The following GREM2 variants were observed in gnomAD, a reference collection of about 807,000 sequenced individuals.
GREM2 encodes gremlin-2.
A neutral mutation model predicts 14.2 loss-of-function variants in GREM2; 11 were observed. The observed-to-expected ratio is 0.78, with a 90% CI of 0.49 to 1.28. The LOEUF (loss-of-function observed/expected upper bound fraction) is 1.28, where lower values mean the gene tolerates loss of function less well. GREM2 is among the 50% of genes most tolerant of loss of function. The pLI is 0.00. For synonymous variants in GREM2, 98 were observed against 97.6 expected (o/e 1.00, Z -0.02); for missense variants, 210 against 218.5 (o/e 0.96, Z 0.24).
At chr1:240,558,531 G>A (rs991964428) in intron 1 of GREM2, among the ~76,000 whole-genome samples, 6 of 152,084 alleles carry the variant, frequency 3.9e-5, no homozygotes, top group African/African-American at 1.4e-4. Flanking sequence ...ATGGCAGACG[G>A]AGGAAGCTTA....
intron 1 of GREM2, among the ~76,000 whole-genome samples, chr1:240,577,383 T>C (rs1431859462): frequency 1.3e-5 from 2 of 152,232 alleles, no homozygotes; most frequent in African/African-American, 4.8e-5. Flanking sequence ...TTTAGATTCT[T>C]CTTTACTATA....
chr1:240,555,688 A>G (rs920265236), intron 1 of GREM2, among the ~76,000 whole-genome samples: 1 of 152,238 alleles, frequency 6.6e-6, no homozygotes, highest in African/African-American at 2.4e-5. Flanking sequence ...GTTAAGAGAA[A>G]TTTATCAGAG....
intron 1 of GREM2, among the ~76,000 whole-genome samples, chr1:240,584,022 T>C (rs1388020731): frequency 6.6e-6 from 1 of 152,144 alleles, no homozygotes; most frequent in East Asian, 1.9e-4. Context: ...ATAAGAACTG[T>C]AGGGTTTATC....
chr1:240,525,463 A>G (rs1267129680), intron 1 of GREM2, among the ~76,000 whole-genome samples: 2 of 151,860 alleles, frequency 1.3e-5, no homozygotes, highest in Admixed American at 1.3e-4. Context: ...GCAAAGGGCC[A>G]CAAATTTAGT....
intron 1 of GREM2, among the ~76,000 whole-genome samples, chr1:240,582,747 A>G (rs955867007): frequency 1.3e-5 from 2 of 152,044 alleles, no homozygotes; most frequent in Non-Finnish European, 2.9e-5. Context: ...CAGTAAGCCA[A>G]GATCACACAA....
At chr1:240,513,261 G>A (rs1450819441) in intron 1 of GREM2, among the ~76,000 whole-genome samples, 1 of 152,106 alleles carries the variant, frequency 6.6e-6, no homozygotes, top group African/African-American at 2.4e-5. Flanking sequence ...ACTGGGATGA[G>A]GACAAACTCT....
chr1:240,602,206 A>G (rs1293872906), intron 1 of GREM2, among the ~76,000 whole-genome samples: 2 of 152,156 alleles, frequency 1.3e-5, no homozygotes, highest in African/African-American at 4.8e-5. Context: ...CACTTCCACT[A>G]AGCTGAACAG....
At chr1:240,563,903 G>A (rs1405089773) in intron 1 of GREM2, among the ~76,000 whole-genome samples, 2 of 152,164 alleles carry the variant, frequency 1.3e-5, no homozygotes, top group Non-Finnish European at 2.9e-5. Context: ...GCCCAATGTT[G>A]AGGTTTTTTA....
intron 1 of GREM2, among the ~76,000 whole-genome samples, chr1:240,564,652 G>T (rs759685082): frequency 6.6e-6 from 1 of 152,102 alleles, no homozygotes; most frequent in Admixed American, 6.6e-5. Flanking sequence ...GAAAGCTAAT[G>T]AAGCATTACC....
chr1:240,582,578 C>T (rs535402529), intron 1 of GREM2, among the ~76,000 whole-genome samples: 11 of 151,694 alleles, frequency 7.3e-5, no homozygotes, highest in South Asian at 6.3e-4. Context: ...GGTGGATCAC[C>T]GGAGGTCAGG....
At chr1:240,513,709 G>T (rs143133226) in intron 1 of GREM2, among the ~76,000 whole-genome samples, 1 of 152,160 alleles carries the variant, frequency 6.6e-6, no homozygotes, top group African/African-American at 2.4e-5. Flanking sequence ...CTTATGGACC[G>T]TGATAAATGT....
intron 1 of GREM2, among the ~76,000 whole-genome samples, chr1:240,602,800 C>A (rs547453041): frequency 1.5e-5 from 2 of 136,560 alleles, no homozygotes; most frequent in Non-Finnish European, 3.1e-5. Context: ...GGTGACAGAG[C>A]GAGACTGATC....
At chr1:240,525,773 C>T (rs1383597323) in intron 1 of GREM2, among the ~76,000 whole-genome samples, 1 of 152,160 alleles carries the variant, frequency 6.6e-6, no homozygotes, top group East Asian at 1.9e-4. Context: ...GCCACCGCGC[C>T]CAGTTCTAAT....
chr1:240,530,822 T>C (rs1394008134), intron 1 of GREM2: 1 of 152,178 alleles, frequency 6.6e-6, no homozygotes, highest in Non-Finnish European at 1.5e-5. Context: ...AGGACAAAAA[T>C]AGGGCCTCAC....
intron 1 of GREM2, among the ~76,000 whole-genome samples, chr1:240,535,039 T>C (rs1678446322): frequency 6.6e-6 from 1 of 152,174 alleles, no homozygotes; most frequent in African/African-American, 2.4e-5. Flanking sequence ...GTAGTTATTA[T>C]ATAAATCTGA....
chr1:240,564,698 G>T (rs772971441), intron 1 of GREM2, among the ~76,000 whole-genome samples: 17 of 152,074 alleles, frequency 1.1e-4, no homozygotes, highest in Non-Finnish European at 1.6e-4. Context: ...TATGCACGAG[G>T]TCATATGGTT....
Position 240,547,302 on chromosome 1 carries a change from C to T in GREM2, c.-1-53826G>A, listed in dbSNP as rs1319845948. ...GATCACGAGGGCAGGAGATCAAGAC[C>T]ATCCTGGCTAACACTGCGAAACCCT... On this transcript the variant is annotated intron_variant, in intron 1 of 1. Transcript: ENST00000318160. 2.6e-5 allele frequency among the ~76,000 whole-genome samples: 4 copies of T among 151,628 alleles called. No individual in the cohort carries two copies. In the South Asian group the frequency reaches 6.3e-4, roughly 24 times the overall value.
intron 1 of GREM2, among the ~76,000 whole-genome samples, chr1:240,562,945 AGTGTGTATGTGTGTGAGT>A (rs959143624): frequency 3.3e-4 from 35 of 105,656 alleles, no homozygotes; most frequent in Non-Finnish European, 1.9e-4. Context: ...TGAGTGTGTG[AGTGTGTATGTGTGTGAGT>A]GTGTGTATGT....
chr1:240,537,767 T>C (rs557122463), intron 1 of GREM2, among the ~76,000 whole-genome samples: 4 of 149,360 alleles, frequency 2.7e-5, no homozygotes, highest in Admixed American at 6.7e-5. Flanking sequence ...CCTGGCAATA[T>C]GGCAAGGCTC....
Sources: allele counts gnomAD v4.1 joint callset (sites outside exome capture counted in the v4.1 genomes callset), GRCh38; gene constraint gnomAD v4.1.1; transcripts MANE v1.5; gene names NCBI Gene and HGNC (gene_info 2026-07-23, HGNC 2026-07-21).